Variants in CDH8 observed in about 807,000 individuals in gnomAD.
The protein encoded by CDH8 is cadherin 8, also known as cadherin-8.
Under a neutral mutation model 68.1 loss-of-function variants are expected in CDH8, and 17 were observed. That is an observed-to-expected ratio of 0.25 (90% CI 0.17 to 0.37). The LOEUF is 0.37. Ranked by LOEUF, CDH8 falls within the 10% of genes least tolerant of loss-of-function variation. The pLI is 1.00. For missense variants in CDH8, 763 were observed against 999.3 expected, an observed-to-expected ratio of 0.76 and a Z score of 3.19; for synonymous variants, 372 against 365.1, an observed-to-expected ratio of 1.02 and a Z score of -0.21.
chr16:61,937,846 G>GT (rs896602426), intron 2 of CDH8: 8 of 152,056 alleles, frequency 5.3e-5, no homozygotes, highest in African/African-American at 1.9e-4. Context: ...ACATCTCATT[G>GT]TGTTTCCTTC....
chr16:61,822,561 A>G (rs915281129), intron 5 of CDH8, among the ~76,000 whole-genome samples: 4 of 151,790 alleles, frequency 2.6e-5, no homozygotes, highest in African/African-American at 9.7e-5. Flanking sequence ...TTCTAGCACT[A>G]ACACCCCTTT....
At chr16:62,030,011 T>A (rs773477751) in intron 1 of CDH8, among the ~76,000 whole-genome samples, 2 of 152,164 alleles carry the variant, frequency 1.3e-5, no homozygotes, top group Non-Finnish European at 2.9e-5. Context: ...GATCCTAGTA[T>A]AAGTCATCCA....
chr16:61,860,162 G>A (rs933385718), intron 3 of CDH8, among the ~76,000 whole-genome samples: 2 of 152,040 alleles, frequency 1.3e-5, no homozygotes, highest in African/African-American at 4.8e-5. Flanking sequence ...CTTTATAAAA[G>A]AGCTTAACAG....
chr16:61,825,883 A>C lies in CDH8; in HGVS notation c.668-704T>G, dbSNP rs573557694. 2.0e-5 allele frequency among the ~76,000 whole-genome samples: 3 copies of C among 152,008 alleles called. No individual in the cohort carries two copies. In the South Asian group the frequency reaches 6.2e-4, roughly 31 times the overall value. On this transcript the variant is annotated intron_variant, in intron 4 of 11. Coordinates refer to ENST00000577390, the MANE Select transcript of CDH8 (RefSeq NM_001796.5). Reference sequence around the variant, plus strand: ...ATAAAATTATCACTGCTCAAATCTTAATGTTTTTTCTTCTGATATATATTC... The same window carrying C: ...ATAAAATTATCACTGCTCAAATCTTCATGTTTTTTCTTCTGATATATATTC...
At chr16:61,691,207 G>T (rs752022299) in intron 10 of CDH8, among the ~76,000 whole-genome samples, 1 of 151,856 alleles carries the variant, frequency 6.6e-6, no homozygotes, top group South Asian at 2.1e-4. Flanking sequence ...CGCTATTATT[G>T]TCCCTCTCAT....
At chr16:61,976,854 A>G (rs1013505102) in intron 2 of CDH8, among the ~76,000 whole-genome samples, 1 of 152,178 alleles carries the variant, frequency 6.6e-6, no homozygotes, top group African/African-American at 2.4e-5. Flanking sequence ...GCTAGTGGTA[A>G]CTTGTTACTT....
chr16:61,827,682 T>C (rs1210363974), intron 4 of CDH8, among the ~76,000 whole-genome samples: 2 of 151,792 alleles, frequency 1.3e-5, no homozygotes, highest in African/African-American at 2.4e-5. Context: ...GGACAAGAAA[T>C]GCTCCATGGG....
intron 8 of CDH8, among the ~76,000 whole-genome samples, chr16:61,738,832 T>C (rs1317453832): frequency 6.6e-6 from 1 of 152,156 alleles, no homozygotes; most frequent in Non-Finnish European, 1.5e-5. Context: ...TGTGTGCACA[T>C]ATATGGCTTT....
intron 8 of CDH8, among the ~76,000 whole-genome samples, chr16:61,738,817 A>ATG (rs1959781457): frequency 6.6e-6 from 1 of 151,912 alleles, no homozygotes; most frequent in South Asian, 2.1e-4. Flanking sequence ...ATGCGTGTGT[A>ATG]TGTGTGTGTG....
intron 8 of CDH8, among the ~76,000 whole-genome samples, chr16:61,781,705 G>A (rs560881980): frequency 5.3e-5 from 8 of 152,202 alleles, no homozygotes; most frequent in African/African-American, 1.9e-4. Context: ...ATTTTTTTGA[G>A]CTTTTTATAA....
At chr16:61,763,076 A>T (rs1311682812) in intron 8 of CDH8, among the ~76,000 whole-genome samples, 1 of 152,170 alleles carries the variant, frequency 6.6e-6, no homozygotes. Context: ...CACATCTCAT[A>T]AGGAGGCCAC....
At chr16:61,929,380 C>G (rs1279159430) in intron 2 of CDH8, among the ~76,000 whole-genome samples, 1 of 152,030 alleles carries the variant, frequency 6.6e-6, no homozygotes, top group Non-Finnish European at 1.5e-5. Flanking sequence ...ACCATGTGAC[C>G]AAAACAAAAA....
intron 4 of CDH8, among the ~76,000 whole-genome samples, chr16:61,843,264 G>A (rs1414042364): frequency 1.3e-5 from 2 of 152,172 alleles, no homozygotes; most frequent in African/African-American, 4.8e-5. Context: ...ACTCAGAATT[G>A]AGAGATGCGG....
At chr16:61,678,039 C>T (rs1477646016) in intron 10 of CDH8, among the ~76,000 whole-genome samples, 1 of 151,988 alleles carries the variant, frequency 6.6e-6, no homozygotes, top group Non-Finnish European at 1.5e-5. Context: ...TATGGTAATC[C>T]CGACGTTCCT....
chr16:61,989,585 T>A (rs1490642913), intron 2 of CDH8, among the ~76,000 whole-genome samples: 1 of 152,218 alleles, frequency 6.6e-6, no homozygotes, highest in African/African-American at 2.4e-5. Context: ...CTTGCTTGTG[T>A]AGCCAGAGCC....
chr16:61,947,163 C>T (rs1964815481), intron 2 of CDH8, among the ~76,000 whole-genome samples: 1 of 107,924 alleles, frequency 9.3e-6, no homozygotes, highest in Non-Finnish European at 1.9e-5. Context: ...TAATTCTATA[C>T]ATGAATATTA....
At chr16:61,719,864 C>T (rs1369242937) in intron 9 of CDH8, among the ~76,000 whole-genome samples, 1 of 150,866 alleles carries the variant, frequency 6.6e-6, no homozygotes, top group East Asian at 1.9e-4. Context: ...TTGGCAAACT[C>T]GAGATACCAT....
intron 8 of CDH8, among the ~76,000 whole-genome samples, chr16:61,730,610 T>G (rs982987337): frequency 6.6e-6 from 1 of 151,622 alleles, no homozygotes; most frequent in Non-Finnish European, 1.5e-5. Flanking sequence ...ATTCAACTAT[T>G]TTTTACATTT....
At chr16:61,965,272 C>A (rs1182080728) in intron 2 of CDH8, among the ~76,000 whole-genome samples, 1 of 152,124 alleles carries the variant, frequency 6.6e-6, no homozygotes, top group Non-Finnish European at 1.5e-5. Context: ...TTGTTTTATT[C>A]GCAGCCAATT....
Sources: allele counts gnomAD v4.1 joint callset (sites outside exome capture counted in the v4.1 genomes callset), GRCh38; gene constraint gnomAD v4.1.1; transcripts MANE v1.5; gene names NCBI Gene and HGNC (gene_info 2026-07-23, HGNC 2026-07-21).